Variants in POLR1C observed in about 807,000 individuals in gnomAD.
The protein encoded by POLR1C is DNA-directed RNA polymerases I and III subunit RPAC1.
POLR1C carries 42 observed loss-of-function variants against 38.3 expected under a neutral mutation model. That is an observed-to-expected ratio of 1.10 (90% CI 0.86 to 1.42). The LOEUF (loss-of-function observed/expected upper bound fraction) is 1.42, where lower values mean the gene tolerates loss of function less well. Ranked by LOEUF, POLR1C falls within the 40% of genes most tolerant of loss-of-function variation. POLR1C has a pLI of 0.00. For missense variants in POLR1C, 507 were observed against 450.5 expected, an observed-to-expected ratio of 1.13 and a Z score of -1.14; for synonymous variants, 163 against 163.9, an observed-to-expected ratio of 0.99 and a Z score of 0.04.
At chr6:43,538,930 C>A (rs1160864189) in intron 9 of POLR1C, 19 of 1,279,256 alleles carry the variant, frequency 1.5e-5, no homozygotes, top group Admixed American at 3.4e-5. Flanking sequence ...TAAATACAGT[C>A]TCCTTCCAGA....
At chr6:43,545,785 A>T (rs940867857) in intron 9 of POLR1C, among the ~76,000 whole-genome samples, 2 of 152,132 alleles carry the variant, frequency 1.3e-5, no homozygotes, top group African/African-American at 2.4e-5. Flanking sequence ...TGAATTATAT[A>T]AAAAAACCTA....
intron 8 of POLR1C, chr6:43,528,729 A>G: frequency 8.8e-7 from 1 of 1,138,610 alleles, no homozygotes; most frequent in South Asian, 1.3e-5. Flanking sequence ...TGGCAGGGCT[A>G]GTAGACAACA....
downstream of POLR1C, chr6:43,525,933 GAGT>G: frequency 6.2e-7 from 1 of 1,613,676 alleles, no homozygotes; most frequent in South Asian, 1.1e-5. Flanking sequence ...TGTTATCAGA[GAGT>G]AGAATGTTAA....
At chr6:43,531,388 C>G, downstream of POLR1C, 1 of 1,193,152 alleles carries the variant, frequency 8.4e-7, no homozygotes, top group South Asian at 1.2e-5. Context: ...CTCGCCTTAC[C>G]TGTACACTAG....
chr6:43,530,462 G>A (rs891144913), downstream of POLR1C, among the ~76,000 whole-genome samples: 2 of 152,028 alleles, frequency 1.3e-5, no homozygotes, highest in African/African-American at 4.8e-5. Flanking sequence ...ATTCCGAGAA[G>A]GGGGAAGGTA....
At chr6:43,527,852 A>C (rs1448107949) in intron 8 of POLR1C, 1 of 1,022,328 alleles carries the variant, frequency 9.8e-7, no homozygotes, top group Non-Finnish European at 1.4e-6. Context: ...CGTTTTATGC[A>C]AAAGTTGGGA....
downstream of POLR1C, chr6:43,522,703 G>T (rs542784055): frequency 2.2e-5 from 11 of 498,766 alleles, no homozygotes; most frequent in South Asian, 1.6e-4. Flanking sequence ...TTCGGCTCTC[G>T]GGGAAACCCT....
intron 10 of POLR1C, among the ~76,000 whole-genome samples, chr6:43,551,824 C>A (rs1043067955): frequency 6.6e-6 from 1 of 152,122 alleles, no homozygotes; most frequent in Non-Finnish European, 1.5e-5. Context: ...CACCACCATG[C>A]CTGGCTAATT....
At chr6:43,551,325 T>C (rs1395550274) in intron 10 of POLR1C, 1 of 1,613,536 alleles carries the variant, frequency 6.2e-7, no homozygotes, top group Non-Finnish European at 8.5e-7. Flanking sequence ...GCAGGAACTC[T>C]GGTCTGTAGG....
chr6:43,529,265 G>C, exon 9 of POLR1C: 1 of 1,359,350 alleles, frequency 7.4e-7, no homozygotes, highest in Non-Finnish European at 9.8e-7. Flanking sequence ...AAGATTTGCT[G>C]GCTGCGGTGG....
chr6:43,527,960 G>GC (rs1416882402), intron 8 of POLR1C, among the ~76,000 whole-genome samples: 1 of 152,192 alleles, frequency 6.6e-6, no homozygotes, highest in Non-Finnish European at 1.5e-5. Flanking sequence ...GGTAACAGTA[G>GC]CCCCTATGAA....
downstream of POLR1C, chr6:43,525,681 C>T: frequency 1.4e-6 from 1 of 737,892 alleles, no homozygotes; most frequent in Non-Finnish European, 2.2e-6. Flanking sequence ...TGGCATTGCA[C>T]CTTTTCCCTC....
In POLR1C at chr6:43,547,577, A is replaced by G. The variant is rs372839838; in HGVS notation, c.*5-3391A>G. On this transcript the variant is annotated intron_variant, in intron 9 of 10. Coordinates refer to the POLR1C transcript ENST00000607635. ...AACACCCTACTCCTACCCATGGCCA[A>G]TGCCACTTCCCATTCCCAGGAAAGT... 7.1e-4 allele frequency: 1,135 copies of G among 1,605,036 alleles called. 17 individuals carry two copies. The South Asian group carries it at 0.012, about 17-fold the overall frequency.
chr6:43,554,802 G>C (rs190084457), intron 10 of POLR1C, among the ~76,000 whole-genome samples: 7 of 152,238 alleles, frequency 4.6e-5, no homozygotes, highest in Non-Finnish European at 7.4e-5. Context: ...ACACATTTGG[G>C]CTTCCTCAAC....
At chr6:43,525,024 C>G, downstream of POLR1C, 1 of 1,595,452 alleles carries the variant, frequency 6.3e-7, no homozygotes, top group Non-Finnish European at 8.5e-7. Context: ...GGCCTCAGCA[C>G]CCCAGTTCTT....
chr6:43,532,448 T>G (rs1233069544), downstream of POLR1C, among the ~76,000 whole-genome samples: 2 of 152,216 alleles, frequency 1.3e-5, no homozygotes, highest in African/African-American at 4.8e-5. Flanking sequence ...AGCCTGAAGC[T>G]TCTGAGATGG....
At chr6:43,526,706 C>T in intron 8 of POLR1C, 1 of 1,613,942 alleles carries the variant, frequency 6.2e-7, no homozygotes, top group Non-Finnish European at 8.5e-7. Context: ...GCTGGGGGAG[C>T]ACTACTGTGG....
At chr6:43,559,511 T>C (rs1184590505) in intron 10 of POLR1C, among the ~76,000 whole-genome samples, 1 of 152,234 alleles carries the variant, frequency 6.6e-6, no homozygotes, top group African/African-American at 2.4e-5. Context: ...TTTCCCTTTG[T>C]AACTCTCACT....
At chr6:43,547,326 A>G (rs1795011206) in intron 9 of POLR1C, 3 of 486,136 alleles carry the variant, frequency 6.2e-6, no homozygotes, top group Non-Finnish European at 1.1e-5. Context: ...CCTGCTGACC[A>G]AGTTCTGACC....
Sources: allele counts gnomAD v4.1 joint callset (sites outside exome capture counted in the v4.1 genomes callset), GRCh38; gene constraint gnomAD v4.1.1; transcripts MANE v1.5; gene names NCBI Gene and HGNC (gene_info 2026-07-23, HGNC 2026-07-21).